APBA1: variants seen among roughly 807,000 people sequenced by gnomAD.
APBA1 encodes amyloid-beta A4 precursor protein-binding family A member 1.
APBA1 carries 55 observed loss-of-function variants against 86.6 expected under a neutral mutation model. That is an observed-to-expected ratio of 0.64 (90% CI 0.51 to 0.80). The LOEUF (loss-of-function observed/expected upper bound fraction) is 0.80, where lower values mean the gene tolerates loss of function less well. Ranked by LOEUF, APBA1 falls within the 30% of genes least tolerant of loss-of-function variation. APBA1 has a pLI of 0.00. For missense variants in APBA1, 1,090 were observed against 1,183.0 expected (o/e 0.92, Z 1.15); for synonymous variants, 511 against 493.9 (o/e 1.03, Z -0.46).
At chr9:69,469,733 C>T (rs1334309) in intron 4 of APBA1, among the ~76,000 whole-genome samples, 11,905 of 152,206 alleles carry the variant, frequency 0.078, 528 homozygotes, top group African/African-American at 0.097. Context: ...ATGAACAGGT[C>T]TGAATCCACA....
At chr9:69,472,491 T>A (rs1835382245) in intron 3 of APBA1, 1 of 152,106 alleles carries the variant, frequency 6.6e-6, no homozygotes, top group South Asian at 2.1e-4. Flanking sequence ...CTTCCACCAG[T>A]AGTAGAATTT....
chr9:69,468,068 C>A, intron 4 of APBA1, 100 bp from the exon 5 acceptor site: 1 of 1,441,686 alleles, frequency 6.9e-7, no homozygotes, highest in Non-Finnish European at 9.5e-7. Flanking sequence ...ACTGCTGGCA[C>A]AGGTGAGGCA....
upstream of APBA1, chr9:69,672,750 G>GAAA (rs1823983052): frequency 6.6e-6 from 1 of 152,292 alleles, no homozygotes; most frequent in South Asian, 2.1e-4. Context: ...GCAAGGAGGG[G>GAAA]AAAATGCAGC....
chr9:69,638,304 A>C (rs1823220394), intron 1 of APBA1, among the ~76,000 whole-genome samples: 3 of 152,112 alleles, frequency 2.0e-5, no homozygotes, highest in Non-Finnish European at 4.4e-5. Context: ...GCAGTGGCAA[A>C]ACCTCAGCTC....
At chr9:69,452,458 G>A (rs1186068357) in intron 8 of APBA1, among the ~76,000 whole-genome samples, 157 bp from the exon 9 acceptor site, 1 of 152,206 alleles carries the variant, frequency 6.6e-6, no homozygotes, top group Non-Finnish European at 1.5e-5. Flanking sequence ...GGCTACCAGT[G>A]CCCACCAGGG....
chr9:69,604,676 A>ACGGG (rs1822432167), intron 1 of APBA1, among the ~76,000 whole-genome samples: 1 of 146,060 alleles, frequency 6.8e-6, no homozygotes, highest in Non-Finnish European at 1.5e-5. Context: ...GGAGAGGCAT[A>ACGGG]TGAGCATGGG....
In APBA1 at chr9:69,553,480, T is replaced by G. The variant is rs577004622; in HGVS notation, c.-69-36201A>C. Among the ~76,000 whole-genome samples the G allele has an allele frequency of 2.0e-5, 3 of 152,370 alleles. No individual in the cohort carries two copies. In the East Asian group the frequency reaches 5.8e-4, roughly 29 times the overall value. On this transcript the variant is annotated intron_variant, in intron 1 of 12. Coordinates refer to ENST00000265381, the MANE Select transcript of APBA1 (RefSeq NM_001163.4). ...ATCTAATCTTAGAGTATATACTCTT[T>G]TGTGTCTGGCTTTATTAACTCAATA...
At position 69,452,127 on chromosome 9, in the gene APBA1, T is replaced by C; in HGVS notation, c.1963A>G (p.Lys655Glu). The stretch of plus-strand genomic sequence containing the variant: ...AGCTTCAGGTAAGTACCCACATCTT[T>C]ACAGTTTTCCGACTTGGAGAAGTGG... ...LIHFSKSENC[K>E]DVFIEKQKGE... The change falls in exon 9 of 13, where the codon AAA becomes GAA. Residue 655 changes from lysine (K) to glutamate (E), a missense_variant. By Grantham distance (56) the Lys-to-Glu change is moderately conservative. This residue lies in a region of APBA1 where 97 missense variants were observed against 166.8 expected (regional missense o/e 0.58). Coordinates refer to ENST00000265381, the MANE Select transcript of APBA1 (RefSeq NM_001163.4). 1.2e-6 allele frequency: 2 copies of C among 1,614,026 alleles called. No individual in the cohort carries two copies. Among genetic ancestry groups the C allele is most frequent in the Non-Finnish European group, 1.7e-6 (2 of 1,179,936 alleles).
intron 2 of APBA1, among the ~76,000 whole-genome samples, chr9:69,513,224 CT>C (rs1836080588): frequency 6.6e-6 from 1 of 152,306 alleles, no homozygotes; most frequent in Admixed American, 6.5e-5. Flanking sequence ...TTAATTTCAC[CT>C]TTTGAATGAA....
chr9:69,490,813 T>G (rs2133859707), intron 2 of APBA1, among the ~76,000 whole-genome samples: 2 of 152,106 alleles, frequency 1.3e-5, no homozygotes, highest in South Asian at 2.1e-4. Context: ...CAGACACATC[T>G]CAAAAGAAGA....
rs529010064 is a variant in APBA1, at chr9:69,628,700, T to A, written c.-70+43453A>T. Among the ~76,000 whole-genome samples the A allele has an allele frequency of 3.9e-5, 6 of 152,338 alleles. No homozygotes were observed. The East Asian group carries it at 1.2e-3, about 29-fold the overall frequency. On this transcript the variant is annotated intron_variant, in intron 1 of 12. Coordinates refer to ENST00000265381, the MANE Select transcript of APBA1 (RefSeq NM_001163.4). ...ATGAAAAATAATGGGCATAGTGACA[T>A]GTTCTAAAATCTTATTATACTATAC...
chr9:69,558,005 G>A (rs1347504770), intron 1 of APBA1, among the ~76,000 whole-genome samples: 1 of 152,136 alleles, frequency 6.6e-6, no homozygotes, highest in Non-Finnish European at 1.5e-5. Flanking sequence ...AGGCATACAT[G>A]TTAGAATCTC....
At chr9:69,471,763 C>A (rs539479097) in intron 3 of APBA1, 68 bp from the exon 4 acceptor site, 2 of 1,251,242 alleles carry the variant, frequency 1.6e-6, no homozygotes, top group East Asian at 2.3e-5. Context: ...CACAATCATC[C>A]ATGCAACATG....
At chr9:69,556,860 T>TAG (rs1836868530) in intron 1 of APBA1, among the ~76,000 whole-genome samples, 1 of 152,116 alleles carries the variant, frequency 6.6e-6, no homozygotes, top group African/African-American at 2.4e-5. Context: ...CAGGGACTCA[T>TAG]AGTAATAATG....
At position 69,517,062 on chromosome 9, in the gene APBA1, C is replaced by T. The variant is rs746180268; in HGVS notation, c.149G>A (p.Arg50His). 2.5e-6 allele frequency: 4 copies of T among 1,583,282 alleles called. No individual in the cohort carries two copies. In the East Asian group the frequency reaches 9.1e-5, roughly 36 times the overall value. ...QPPQQQHYVG[R>H]HQRGRALEDL... ...CTCGAGGGCTCGCCCGCGCTGGTGGCGGCCCACATAGTGCTGCTGCTGCGG... is the reference window on the plus strand; with the variant it reads ...CTCGAGGGCTCGCCCGCGCTGGTGGTGGCCCACATAGTGCTGCTGCTGCGG... Residue 50 changes from arginine to histidine, a missense_variant, in exon 2 of 13, where the codon CGC (arginine) becomes CAC (histidine). Physicochemically the swap from Arg to His is conservative, Grantham distance 29 (BLOSUM62 0). Transcript: ENST00000265381.
chr9:69,472,112 T>C (rs1835375595), intron 3 of APBA1, among the ~76,000 whole-genome samples: 1 of 152,252 alleles, frequency 6.6e-6, no homozygotes, highest in Non-Finnish European at 1.5e-5. Context: ...TATTTTACTC[T>C]TTGCCACAGT....
intron 1 of APBA1, among the ~76,000 whole-genome samples, chr9:69,532,320 C>A (rs768208030): frequency 2.0e-5 from 3 of 152,200 alleles, no homozygotes; most frequent in Non-Finnish European, 4.4e-5. Context: ...ACAAAACTAA[C>A]CTTAACTGAA....
intron 1 of APBA1, among the ~76,000 whole-genome samples, chr9:69,563,544 G>C (rs1378590159): frequency 2.0e-5 from 3 of 152,108 alleles, no homozygotes; most frequent in African/African-American, 7.2e-5. Flanking sequence ...ACCAAATCAC[G>C]GTGGCCATAC....
intron 3 of APBA1, among the ~76,000 whole-genome samples, chr9:69,475,485 A>C (rs1367140773): frequency 6.6e-6 from 1 of 152,232 alleles, no homozygotes; most frequent in African/African-American, 2.4e-5. Context: ...GCAAGAGAGA[A>C]GGGCGCTCAT....
Sources: allele counts gnomAD v4.1 joint callset (sites outside exome capture counted in the v4.1 genomes callset), GRCh38; gene constraint gnomAD v4.1.1; regional missense constraint gnomAD v4.1.1; transcripts MANE v1.5; gene names NCBI Gene and HGNC (gene_info 2026-07-23, HGNC 2026-07-21).